The following GNAT3 variants were observed in gnomAD, a reference collection of about 807,000 sequenced individuals.
GNAT3 encodes the protein guanine nucleotide-binding protein G(t) subunit alpha-3.
In GNAT3, 31 loss-of-function variants were observed where a neutral mutation model predicts 37.7. That is an observed-to-expected ratio of 0.82 (90% CI 0.62 to 1.11). The LOEUF is 1.11. Ranked by LOEUF, GNAT3 falls within the 50% of genes most tolerant of loss-of-function variation. The pLI is 0.00. For synonymous variants in GNAT3, 138 were observed against 139.8 expected (o/e 0.99, Z 0.09); for missense variants, 437 against 412.5 (o/e 1.06, Z -0.51).
intron 2 of GNAT3, among the ~76,000 whole-genome samples, chr7:80,491,560 A>T (rs936957542): frequency 2.0e-5 from 3 of 152,162 alleles, no homozygotes; most frequent in Admixed American, 2.0e-4. Flanking sequence ...TCAGAGATAG[A>T]GTTAGAAGAA....
chr7:80,487,272 G>T (rs990028898), intron 3 of GNAT3, among the ~76,000 whole-genome samples: 4 of 152,066 alleles, frequency 2.6e-5, no homozygotes, highest in African/African-American at 9.7e-5. Flanking sequence ...GAGAGATAAA[G>T]AATAAAAGGA....
chr7:80,473,842 A>G (rs541613588), intron 5 of GNAT3, among the ~76,000 whole-genome samples: 1 of 152,192 alleles, frequency 6.6e-6, no homozygotes, highest in Admixed American at 6.6e-5. Flanking sequence ...TGCATTTTTT[A>G]AAATTAAGGA....
intron 7 of GNAT3, among the ~76,000 whole-genome samples, chr7:80,459,216 G>A (rs1186111756): frequency 6.6e-6 from 1 of 152,158 alleles, no homozygotes; most frequent in Non-Finnish European, 1.5e-5. Context: ...AATGGAAAAG[G>A]TAGATGACTA....
chr7:80,463,064 A>G (rs1790077122), intron 5 of GNAT3, among the ~76,000 whole-genome samples: 1 of 152,172 alleles, frequency 6.6e-6, no homozygotes, highest in Non-Finnish European at 1.5e-5. Context: ...TACTCAAACA[A>G]TTATTGTTTG....
At chr7:80,497,538 A>G (rs181083048) in intron 1 of GNAT3, among the ~76,000 whole-genome samples, 2 of 132,746 alleles carry the variant, frequency 1.5e-5, no homozygotes, top group Non-Finnish European at 3.2e-5. Context: ...CTCTCTATAT[A>G]TATACACATA....
chr7:80,496,793 T>G (rs2116212126), intron 1 of GNAT3, among the ~76,000 whole-genome samples: 1 of 152,308 alleles, frequency 6.6e-6, no homozygotes, highest in South Asian at 2.1e-4. Flanking sequence ...CAATGTTTTC[T>G]TAAGCCTCGA....
intron 2 of GNAT3, among the ~76,000 whole-genome samples, chr7:80,489,215 G>A (rs539122910): frequency 6.6e-6 from 1 of 152,120 alleles, no homozygotes; most frequent in Admixed American, 6.5e-5. Context: ...CTGTGTACGT[G>A]CCACTGAGTT....
At chr7:80,479,179 C>T (rs1357435634) in intron 3 of GNAT3, among the ~76,000 whole-genome samples, 181 bp from the exon 4 acceptor site, 1 of 151,814 alleles carries the variant, frequency 6.6e-6, no homozygotes, top group African/African-American at 2.4e-5. Flanking sequence ...TGGATGATGC[C>T]CAGAAGAGTT....
intron 7 of GNAT3, among the ~76,000 whole-genome samples, chr7:80,459,682 A>G (rs1037875974): frequency 1.3e-5 from 2 of 152,192 alleles, no homozygotes; most frequent in Non-Finnish European, 2.9e-5. Flanking sequence ...ATAACAGAAT[A>G]TGCTTTAAGG....
intron 1 of GNAT3, among the ~76,000 whole-genome samples, chr7:80,498,826 T>C (rs985135996): frequency 6.6e-5 from 10 of 152,152 alleles, no homozygotes; most frequent in Non-Finnish European, 1.5e-4. Context: ...TACAAATAAT[T>C]AAATATTTAA....
chr7:80,461,020 TA>T (rs1301620561), intron 7 of GNAT3, among the ~76,000 whole-genome samples: 1 of 106,948 alleles, frequency 9.4e-6, no homozygotes, highest in Non-Finnish European at 1.8e-5. Flanking sequence ...TATATTTAAT[TA>T]GTAATCAATA....
chr7:80,505,171 G>A (rs544775000), intron 1 of GNAT3, among the ~76,000 whole-genome samples: 1 of 152,214 alleles, frequency 6.6e-6, no homozygotes, highest in East Asian at 1.9e-4. Flanking sequence ...GATTATCCAG[G>A]GTTGAGGGTT....
rs1790201861 is a variant in GNAT3 at position 80,470,830 on chromosome 7, A to G, written c.590+3421T>C. Among the ~76,000 whole-genome samples, 2 of 152,026 alleles carry G rather than the reference A, an allele frequency of 1.3e-5. 1 individual carries two copies. On this transcript the variant is annotated intron_variant, in intron 5 of 7. Coordinates refer to ENST00000398291, the MANE Select transcript of GNAT3 (RefSeq NM_001102386.3). ...TTAAAATTAATATTTTATTTTAAACATTAATGCAAATGTTATATTCTACTC... is the reference window on the plus strand; with the variant it reads ...TTAAAATTAATATTTTATTTTAAACGTTAATGCAAATGTTATATTCTACTC...
chr7:80,462,054 G>C (rs979122582), intron 7 of GNAT3, 105 bp downstream of exon 7: 8 of 729,338 alleles, frequency 1.1e-5, no homozygotes, highest in African/African-American at 8.9e-5. Flanking sequence ...ACTCAAAAAT[G>C]ATCATAAGCC....
chr7:80,487,846 T>TTGGATAA (rs1790518639), intron 3 of GNAT3: 1 of 152,134 alleles, frequency 6.6e-6, no homozygotes, highest in African/African-American at 2.4e-5. Context: ...CTGTGGTTCT[T>TTGGATAA]TGGATAATAC....
chr7:80,458,853 T>C lies in GNAT3; in HGVS notation c.883A>G (p.Thr295Ala). The C allele has an allele frequency of 1.9e-6, 3 of 1,571,382 alleles. No homozygotes were observed. The highest frequency in any genetic ancestry group is 2.6e-6 in the Non-Finnish European group (3 of 1,161,590). ...ATGTAGTTTCCTGCATCTTCAAATG[T>C]ATTTGGCCCTTGTTAAACAAAATAT... ...ICFPEYTGPN[T>A]FEDAGNYIKN... The change falls in exon 8 of 8, where the codon ACA becomes GCA. Residue 295 changes from threonine (T) to alanine (A), a missense_variant. Coordinates refer to ENST00000398291, the MANE Select transcript of GNAT3 (RefSeq NM_001102386.3).
intron 3 of GNAT3, among the ~76,000 whole-genome samples, chr7:80,482,256 C>T (rs948229367): frequency 1.3e-5 from 2 of 152,138 alleles, no homozygotes; most frequent in Non-Finnish European, 2.9e-5. Flanking sequence ...TGAAAGAGAA[C>T]TGCAAGTTCA....
chr7:80,458,985 G>A, intron 7 of GNAT3, 124 bp from the exon 8 acceptor site: 1 of 648,922 alleles, frequency 1.5e-6, no homozygotes, highest in Non-Finnish European at 2.5e-6. Flanking sequence ...AATCATAAAG[G>A]CAACGGTCAA....
At chr7:80,458,935 C>A in intron 7 of GNAT3, 74 bp from the exon 8 acceptor site, 1 of 1,016,870 alleles carries the variant, frequency 9.8e-7, no homozygotes, top group South Asian at 1.6e-5. Context: ...ATAATATCAG[C>A]AAATTTTAGG....
Sources: gnomAD v4.1 joint callset for allele counts (sites outside exome capture counted in the v4.1 genomes callset) on GRCh38, gnomAD v4.1.1 for gene constraint, MANE v1.5 for transcripts, NCBI Gene and HGNC (gene_info 2026-07-23, HGNC 2026-07-21) for gene names.